The following SLC17A3 variants were observed in gnomAD, a reference collection of about 807,000 sequenced individuals.
SLC17A3 encodes solute carrier family 17 member 3, also known as sodium-dependent phosphate transport protein 4.
Under a neutral mutation model 60.3 loss-of-function variants are expected in SLC17A3, and 61 were observed. The ratio of observed to expected loss-of-function variants is 1.01; its 90% CI spans 0.82 to 1.25. The LOEUF is 1.25. Among genes scored for constraint, SLC17A3 ranks in the 50% most tolerant of loss-of-function variants. The probability of loss-of-function intolerance (pLI) is 0.00; values close to 1 mark genes in which losing one functional copy is unlikely to be tolerated. For missense variants in SLC17A3, 624 were observed against 594.9 expected (o/e 1.05, Z -0.51); for synonymous variants, 192 against 208.9 (o/e 0.92, Z 0.70).
At chr6:25,871,544 G>A (rs1251324496) in intron 1 of SLC17A3, among the ~76,000 whole-genome samples, 1 of 151,608 alleles carries the variant, frequency 6.6e-6, no homozygotes, top group Non-Finnish European at 1.5e-5. Context: ...GTTAAATGAT[G>A]AGTTAATGGG....
intron 1 of SLC17A3, among the ~76,000 whole-genome samples, 184 bp downstream of exon 1, chr6:25,873,983 G>T (rs1277244646): frequency 6.6e-6 from 1 of 152,106 alleles, no homozygotes; most frequent in Non-Finnish European, 1.5e-5. Flanking sequence ...CAGATACAAA[G>T]CTTCAGCTTC....
chr6:25,851,867 G>C (rs893305533), intron 6 of SLC17A3, among the ~76,000 whole-genome samples: 1 of 151,986 alleles, frequency 6.6e-6, no homozygotes, highest in Non-Finnish European at 1.5e-5. Context: ...AAGGTGTTTG[G>C]CTATTCTAAA....
At position 25,855,134 on chromosome 6, in the gene SLC17A3, A is replaced by G. The variant is rs775040633; in HGVS notation, c.712+10T>C. The stretch of plus-strand genomic sequence containing the variant: ...TATGAAACTCAGGGAACTGGGAGAT[A>G]GTAGCTTACCAAAGATATAGAAGAC... On this transcript the variant is annotated intron_variant, in intron 6 of 12. Coordinates refer to ENST00000397060, the MANE Select transcript of SLC17A3 (RefSeq NM_001098486.2). The G allele has an allele frequency of 6.4e-7, 1 of 1,571,560 alleles. No individual in the cohort carries two copies. Among genetic ancestry groups the G allele is most frequent in the Non-Finnish European group, 8.8e-7 (1 of 1,141,566 alleles).
intron 5 of SLC17A3, among the ~76,000 whole-genome samples, chr6:25,856,569 C>A (rs1038139709): frequency 6.6e-6 from 1 of 152,148 alleles, no homozygotes; most frequent in African/African-American, 2.4e-5. Context: ...CCTTTCTGGC[C>A]GGGCGCAGTG....
Position 25,850,593 on chromosome 6 carries a change from T to C in SLC17A3, c.859A>G (p.Ile287Val). 6.2e-7 allele frequency: 1 copy of C among 1,614,018 alleles called. No individual in the cohort carries two copies. The highest frequency in any genetic ancestry group is 8.5e-7 in the Non-Finnish European group (1 of 1,179,930). The change falls in exon 8 of 13, where the codon ATC becomes GTC. Residue 287 changes from isoleucine (I) to valine (V), a missense_variant. Ile to Val is a conservative substitution (Grantham distance 29). Coordinates refer to ENST00000397060, the MANE Select transcript of SLC17A3 (RefSeq NM_001098486.2). ...GGTAGAGATCTGAGCATAGCTTTGA[T>C]GGGAAGAGGCTGCTTAGAAGACCCG... Reference protein sequence around the residue: ...QVGSSKQPLPIKAMLRSLPIW... With the variant: ...QVGSSKQPLPVKAMLRSLPIW...
At chr6:25,862,855 T>A (rs1765475347) in intron 2 of SLC17A3, among the ~76,000 whole-genome samples, 1 of 151,672 alleles carries the variant, frequency 6.6e-6, no homozygotes, top group Non-Finnish European at 1.5e-5. Flanking sequence ...ATTTATAATA[T>A]ATTACATATA....
intron 1 of SLC17A3, among the ~76,000 whole-genome samples, chr6:25,869,351 T>C (rs1334924147): frequency 1.3e-5 from 2 of 151,914 alleles, no homozygotes; most frequent in African/African-American, 4.8e-5. Context: ...TAAACCAAAC[T>C]TGTTAGCTTA....
chr6:25,865,976 C>A (rs1446222923), intron 2 of SLC17A3, among the ~76,000 whole-genome samples: 1 of 152,000 alleles, frequency 6.6e-6, no homozygotes, highest in African/African-American at 2.4e-5. Flanking sequence ...TACTACTGTA[C>A]TCAGAATCCA....
chr6:25,873,854 A>G (rs1448047295), intron 1 of SLC17A3, among the ~76,000 whole-genome samples: 1 of 152,104 alleles, frequency 6.6e-6, no homozygotes, highest in Non-Finnish European at 1.5e-5. Flanking sequence ...ATTTGTTCAG[A>G]AGCCAGTTTG....
At chr6:25,856,042 A>G (rs960714324) in intron 5 of SLC17A3, among the ~76,000 whole-genome samples, 7 of 152,234 alleles carry the variant, frequency 4.6e-5, no homozygotes, top group African/African-American at 7.2e-5. Flanking sequence ...GCACAATAGA[A>G]TAGCAGAAGT....
At chr6:25,870,826 T>C (rs1765628908) in intron 1 of SLC17A3, among the ~76,000 whole-genome samples, 1 of 152,026 alleles carries the variant, frequency 6.6e-6, no homozygotes, top group Admixed American at 6.6e-5. Context: ...GTTGTGTTTG[T>C]GAAGCTGCTT....
At chr6:25,855,260 A>G in intron 5 of SLC17A3, 30 bp from the exon 6 acceptor site, 1 of 1,482,500 alleles carries the variant, frequency 6.7e-7, no homozygotes, top group Non-Finnish European at 9.4e-7. Context: ...AAGCTGTGGG[A>G]CTCTAGACTT....
intron 6 of SLC17A3, among the ~76,000 whole-genome samples, chr6:25,853,437 A>G (rs867417144): frequency 2.5e-4 from 26 of 104,050 alleles, no homozygotes; most frequent in African/African-American, 8.5e-4. Flanking sequence ...TTTTTTGGAG[A>G]CAGAGTCTCG....
intron 2 of SLC17A3, among the ~76,000 whole-genome samples, chr6:25,868,037 A>G (rs1200349054): frequency 2.6e-5 from 4 of 151,908 alleles, no homozygotes; most frequent in African/African-American, 7.2e-5. Context: ...AGGACACACA[A>G]TACTATGTGT....
intron 8 of SLC17A3, 85 bp from the exon 9 acceptor site, chr6:25,850,262 A>G (rs1765251348): frequency 6.9e-7 from 1 of 1,455,098 alleles, no homozygotes; most frequent in Non-Finnish European, 9.5e-7. Context: ...AATAATAATG[A>G]CATTCTGAAA....
chr6:25,861,712 C>A lies in SLC17A3; in HGVS notation c.538-1G>T. ...CAAACTGACCCCCAAGTATTGAGGACTGAAATTAAAATGATTAGAGTTCTT... is the reference window on the plus strand; with the variant it reads ...CAAACTGACCCCCAAGTATTGAGGAATGAAATTAAAATGATTAGAGTTCTT... On this transcript the variant is annotated splice_acceptor_variant, in intron 4 of 12. Coordinates refer to ENST00000397060, the MANE Select transcript of SLC17A3 (RefSeq NM_001098486.2). LOFTEE classifies it high-confidence loss of function. 1 of 1,613,804 alleles carries A rather than the reference C, an allele frequency of 6.2e-7. No homozygotes were observed.
intron 11 of SLC17A3, among the ~76,000 whole-genome samples, chr6:25,848,168 T>C (rs972575527): frequency 1.3e-5 from 2 of 152,212 alleles, no homozygotes; most frequent in Admixed American, 6.5e-5. Flanking sequence ...TTTGGGTTGG[T>C]TGCACATTTT....
intron 5 of SLC17A3, among the ~76,000 whole-genome samples, chr6:25,860,050 A>G (rs1446648229): frequency 1.3e-5 from 2 of 152,070 alleles, no homozygotes; most frequent in African/African-American, 2.4e-5. Context: ...TTCATACAAC[A>G]TTTGTGTTTC....
chr6:25,847,703 G>A (rs1765200895), intron 11 of SLC17A3, among the ~76,000 whole-genome samples: 1 of 151,668 alleles, frequency 6.6e-6, no homozygotes, highest in Non-Finnish European at 1.5e-5. Context: ...CTGCATGTAT[G>A]TTTTCTTTTA....
Sources: gnomAD v4.1 joint callset for allele counts (sites outside exome capture counted in the v4.1 genomes callset) on GRCh38, gnomAD v4.1.1 for gene constraint, MANE v1.5 for transcripts, NCBI Gene and HGNC (gene_info 2026-07-23, HGNC 2026-07-21) for gene names.